The following TCIRG1 variants were observed in gnomAD, a reference collection of about 807,000 sequenced individuals.
TCIRG1 encodes V-type proton ATPase 116 kDa subunit a 3.
A neutral mutation model predicts 95.5 loss-of-function variants in TCIRG1; 86 were observed. The ratio of observed to expected loss-of-function variants is 0.90; its 90% CI spans 0.76 to 1.08. TCIRG1 has a LOEUF of 1.08. Ranked by LOEUF, TCIRG1 falls within the 50% of genes least tolerant of loss-of-function variation. The pLI is 0.00. For missense variants in TCIRG1, 1,069 were observed against 1,140.2 expected, an observed-to-expected ratio of 0.94 and a Z score of 0.90; for synonymous variants, 499 against 501.3, an observed-to-expected ratio of 1.00 and a Z score of 0.06.
rs1477471317 is a variant in TCIRG1, at chr11:68,049,197, C to T, written c.1790C>T (p.Ala597Val). The change falls in exon 15 of 20, where the codon GCT (alanine) becomes GTT (valine). Residue 597 changes from alanine (A) to valine (V), a missense_variant. Transcript: ENST00000265686. ...ATCTACAAGTGGCTGTGTGTCTGGG[C>T]TGCCAGGGCCGCCTCGGCCCCCAGC... is the stretch of plus-strand genomic sequence containing the variant. ...LVIYKWLCVW[A>V]ARAASAPSIL... The T allele has an allele frequency of 6.2e-7, 1 of 1,613,886 alleles. No homozygotes were observed. Among genetic ancestry groups the T allele is most frequent in the Admixed American group, 1.7e-5 (1 of 60,038 alleles).
chr11:68,041,311 CA>C lies in TCIRG1; in HGVS notation c.41del (p.Gln14ArgfsTer13), dbSNP rs763969095. 6.2e-7 allele frequency: 1 copy of C among 1,613,230 alleles called. No homozygotes were observed. The highest frequency in any genetic ancestry group is 8.5e-7 in the Non-Finnish European group (1 of 1,179,958). On this transcript the variant is annotated frameshift_variant, in exon 2 of 20. Coordinates refer to ENST00000265686, the MANE Select transcript of TCIRG1 (RefSeq NM_006019.4). LOFTEE classifies it high-confidence loss of function. ...MFRSEEVALV[Q>X]LFLPTAAAYT... ...CCGGAGCGAGGAGGTGGCCCTGGTC[CA>C]GCTCTTTCTGCCCACAGCGGCTGCC...
intron 10 of TCIRG1, among the ~76,000 whole-genome samples, chr11:68,046,751 C>A (rs553902880): frequency 2.0e-5 from 3 of 152,222 alleles, no homozygotes; most frequent in Admixed American, 6.5e-5. Context: ...AAGTGACCAG[C>A]TCGGCCTCCC....
In TCIRG1 at chr11:68,043,028, T is replaced by C; in HGVS notation, c.500T>C (p.Val167Ala). The C allele has an allele frequency of 1.9e-6, 3 of 1,548,990 alleles. No homozygotes were observed. The highest frequency in any genetic ancestry group is 2.6e-6 in the Non-Finnish European group (3 of 1,146,814). Residue 167 changes from valine (V) to alanine (A), a missense_variant, in exon 5 of 20, where the codon GTC becomes GCC. Physicochemically the swap from Val to Ala is moderately conservative, Grantham distance 64 (BLOSUM62 0). Coordinates refer to ENST00000265686, the MANE Select transcript of TCIRG1 (RefSeq NM_006019.4). ...GGGGGGCCGCACCAGGACCTGAGGG[T>C]CAAGTGAGTGAGGGATGACCTCATG... Reference protein sequence around the residue: ...APGGPHQDLRVNFVAGAVEPH... With the variant: ...APGGPHQDLRANFVAGAVEPH...
Position 68,049,643 on chromosome 11 carries a change from T to C in TCIRG1, c.1888-20T>C, listed in dbSNP as rs1855691541. 1.9e-6 allele frequency: 3 copies of C among 1,597,910 alleles called. No homozygotes were observed. The highest frequency in any genetic ancestry group is 1.7e-6 in the Non-Finnish European group (2 of 1,178,838). On this transcript the variant is annotated intron_variant, in intron 15 of 19. Coordinates refer to ENST00000265686, the MANE Select transcript of TCIRG1 (RefSeq NM_006019.4). Reference sequence around the variant, plus strand: ...GTGTGCACAGCAGGGACGCCCTGACTCTCGCCCTCTCCCTGGCAGGAGGTG... The same window carrying C: ...GTGTGCACAGCAGGGACGCCCTGACCCTCGCCCTCTCCCTGGCAGGAGGTG...
intron 13 of TCIRG1, among the ~76,000 whole-genome samples, chr11:68,048,502 T>C (rs575999020): frequency 1.1e-4 from 17 of 152,226 alleles, no homozygotes; most frequent in African/African-American, 4.1e-4. Flanking sequence ...CCATGTTGGC[T>C]AGGCTGGTCT....
rs771395837 is a variant in TCIRG1 at position 68,047,723 on chromosome 11, A to G, written c.1382A>G (p.Tyr461Cys). ...TTCTCCATCTACACCGGCTTCATCTACAACGAGTGCTTCAGTCGCGCCACC... is the reference window on the plus strand; with the variant it reads ...TTCTCCATCTACACCGGCTTCATCTGCAACGAGTGCTTCAGTCGCGCCACC... ...GLFSIYTGFI[Y>C]NECFSRATSI... Residue 461 changes from tyrosine (Y) to cysteine (C), a missense_variant, in exon 12 of 20, where the codon TAC (tyrosine) becomes TGC (cysteine). By Grantham distance (194) the Tyr-to-Cys change is radical. Coordinates refer to ENST00000265686, the MANE Select transcript of TCIRG1 (RefSeq NM_006019.4). 128 of 1,613,266 alleles carry G rather than the reference A, an allele frequency of 7.9e-5. No homozygotes were observed. The highest frequency in any genetic ancestry group is 9.6e-5 in the Non-Finnish European group (113 of 1,180,012).
intron 10 of TCIRG1, 73 bp downstream of exon 10, chr11:68,045,175 G>C: frequency 1.3e-6 from 2 of 1,577,710 alleles, no homozygotes; most frequent in Non-Finnish European, 1.7e-6. Flanking sequence ...GAGCCTGAGG[G>C]GGAGGTATCT....
chr11:68,044,014 G>T, intron 8 of TCIRG1, 107 bp downstream of exon 8: 8 of 1,299,182 alleles, frequency 6.2e-6, no homozygotes, highest in Non-Finnish European at 8.6e-6. Flanking sequence ...CAGGAGGTGG[G>T]TGCAGGAGGT....
intron 10 of TCIRG1, chr11:68,046,969 G>T (rs1031847839): frequency 6.6e-6 from 3 of 455,964 alleles, no homozygotes; most frequent in African/African-American, 4.0e-5. Context: ...AGGTGAAGTG[G>T]CTGGGCCAAG....
rs1056903263 is a variant in TCIRG1, at chr11:68,050,036, A to G, written c.2088A>G (p.Ala696=). 6.2e-7 allele frequency: 1 copy of G among 1,613,406 alleles called. No individual in the cohort carries two copies. Among genetic ancestry groups the G allele is most frequent in the Non-Finnish European group, 8.5e-7 (1 of 1,179,928 alleles). Residue 696 remains alanine (A), a synonymous_variant, in exon 17 of 20, where the codon GCA becomes GCG. Coordinates refer to ENST00000265686, the MANE Select transcript of TCIRG1 (RefSeq NM_006019.4). ...GCTGGAGCTCCGATGAGGAAAAGGC[A>G]GGGGGCCTGGATGATGAAGAGGAGG... The part of the protein sequence containing the change: ...VNGWSSDEEK[A]GGLDDEEEAE...
At chr11:68,044,703 A>AG (rs1554996401) in intron 9 of TCIRG1, 4 of 593,864 alleles carry the variant, frequency 6.7e-6, no homozygotes, top group Non-Finnish European at 1.2e-5. Context: ...CTTGCGGGTG[A>AG]GGCTGGGCTC....
intron 1 of TCIRG1, among the ~76,000 whole-genome samples, chr11:68,040,872 C>G (rs1327382058): frequency 1.3e-5 from 2 of 152,196 alleles, no homozygotes; most frequent in Non-Finnish European, 2.9e-5. Context: ...TCCAGCCACC[C>G]CCGGGGCAGC....
chr11:68,052,613 A>T (rs1855835845), downstream of TCIRG1, among the ~76,000 whole-genome samples: 2 of 152,198 alleles, frequency 1.3e-5, no homozygotes, highest in Admixed American at 6.5e-5. Context: ...CCCAGTCTCC[A>T]ACGTCCTCCA....
Position 68,046,204 on chromosome 11 carries a change from C to T in TCIRG1, c.1165+1102C>T, listed in dbSNP as rs75837226. Reference sequence around the variant, plus strand: ...CCCACAGTCCTGGAGGCTGGAAGTCCAAGACCAAGGTGTCAGCAGGGGCCG... The same window carrying T: ...CCCACAGTCCTGGAGGCTGGAAGTCTAAGACCAAGGTGTCAGCAGGGGCCG... On this transcript the variant is annotated intron_variant, in intron 10 of 19. Coordinates refer to ENST00000265686, the MANE Select transcript of TCIRG1 (RefSeq NM_006019.4). Among the ~76,000 whole-genome samples the T allele has an allele frequency of 9.8e-3, 1,488 of 152,292 alleles. 12 individuals carry two copies. Among genetic ancestry groups the T allele is most frequent in the Middle Eastern group, 0.02 (6 of 294 alleles).
At chr11:68,050,091 T>C (rs750247737) in intron 17 of TCIRG1, 25 bp downstream of exon 17, 1 of 1,611,952 alleles carries the variant, frequency 6.2e-7, no homozygotes, top group South Asian at 1.1e-5. Context: ...TTCCTGGGGG[T>C]GGGACGGCTG....
At chr11:68,050,920 C>T, downstream of TCIRG1, 1 of 1,351,394 alleles carries the variant, frequency 7.4e-7, no homozygotes. Flanking sequence ...CTCTTCCCTC[C>T]TTTTTAGCTG....
Position 68,047,956 on chromosome 11 carries a change from C to T in TCIRG1, c.1538C>T (p.Pro513Leu). ...ACCGGTGTCTTCCTGGGACCCTACCCCTTTGGCATCGATCCTGTGAGTCCT... is the reference window on the plus strand; with the variant it reads ...ACCGGTGTCTTCCTGGGACCCTACCTCTTTGGCATCGATCCTGTGAGTCCT... Reference protein sequence around the residue: ...NVTGVFLGPYPFGIDPIWSLA... With the variant: ...NVTGVFLGPYLFGIDPIWSLA... The change falls in exon 13 of 20, where the codon CCC (proline) becomes CTC (leucine). Residue 513 changes from proline to leucine, a missense_variant. Transcript: ENST00000265686. The T allele has an allele frequency of 6.2e-7, 1 of 1,613,810 alleles. No individual in the cohort carries two copies. Among genetic ancestry groups the T allele is most frequent in the Non-Finnish European group, 8.5e-7 (1 of 1,180,008 alleles).
intron 10 of TCIRG1, among the ~76,000 whole-genome samples, 165 bp from the exon 11 acceptor site, chr11:68,047,268 G>A (rs1219387278): frequency 1.6e-4 from 3 of 19,236 alleles, no homozygotes; most frequent in African/African-American, 4.6e-4. Flanking sequence ...CCCCCCCCCC[G>A]TCTCGGCCTC....
chr11:68,053,650 T>G (rs1430184169), downstream of TCIRG1: 2 of 265,218 alleles, frequency 7.5e-6, no homozygotes, highest in African/African-American at 4.4e-5. Context: ...TACCTGCAAG[T>G]AACACTGCTT....
Sources: allele counts gnomAD v4.1 joint callset (sites outside exome capture counted in the v4.1 genomes callset), GRCh38; gene constraint gnomAD v4.1.1; transcripts MANE v1.5; gene names NCBI Gene and HGNC (gene_info 2026-07-23, HGNC 2026-07-21).